Variants in ARHGAP19 observed in about 807,000 individuals in gnomAD.
ARHGAP19 encodes Rho GTPase activating protein 19, also known as rho GTPase-activating protein 19.
In ARHGAP19, 48 loss-of-function variants were observed where a neutral mutation model predicts 60.9. The observed-to-expected ratio is 0.79, with a 90% CI of 0.62 to 1.00. The LOEUF is 1.00. Among genes scored for constraint, ARHGAP19 ranks in the 50% least tolerant of loss-of-function variants. ARHGAP19 has a pLI of 0.00. For missense variants in ARHGAP19, 562 were observed against 597.2 expected, an observed-to-expected ratio of 0.94 and a Z score of 0.61; for synonymous variants, 209 against 215.5, an observed-to-expected ratio of 0.97 and a Z score of 0.27.
chr10:97,243,882 T>C lies in ARHGAP19; in HGVS notation c.1185+86A>G, dbSNP rs751028185. 16 of 1,303,672 alleles carry C rather than the reference T, an allele frequency of 1.2e-5. No homozygotes were observed. The East Asian group carries it at 1.9e-4, about 15-fold the overall frequency. The allele number at this position is 1,303,672 out of a possible 1,614,324, so 80.8% of individuals were successfully genotyped here. A position where few individuals can be genotyped will look rare whatever the true frequency, so the allele number is the denominator to read the frequency against. ...TTTCTCAGCTGAACCAAAAATTAAATGAGATTCTTAACAATATGACCTACT... is the reference window on the plus strand; with the variant it reads ...TTTCTCAGCTGAACCAAAAATTAAACGAGATTCTTAACAATATGACCTACT... On this transcript the variant is annotated intron_variant, in intron 8 of 11. Transcript: ENST00000358531.
At chr10:97,279,476 TTG>T (rs373557280) in intron 1 of ARHGAP19, among the ~76,000 whole-genome samples, 1 of 109,030 alleles carries the variant, frequency 9.2e-6, no homozygotes, top group Non-Finnish European at 1.9e-5. Context: ...TTGCTTGCTT[TTG>T]TGTGTGTGTG....
chr10:97,261,982 C>T (rs1842835253), intron 4 of ARHGAP19, among the ~76,000 whole-genome samples: 1 of 152,066 alleles, frequency 6.6e-6, no homozygotes, highest in Non-Finnish European at 1.5e-5. Context: ...TAACCTATTA[C>T]ATAAAAATCA....
At chr10:97,245,874 G>A (rs1842556275) in intron 7 of ARHGAP19, among the ~76,000 whole-genome samples, 1 of 152,096 alleles carries the variant, frequency 6.6e-6, no homozygotes, top group Admixed American at 6.6e-5. Flanking sequence ...CTCTTACACA[G>A]AGGACACCAT....
At chr10:97,258,927 T>G (rs1842791171) in intron 5 of ARHGAP19, among the ~76,000 whole-genome samples, 1 of 152,160 alleles carries the variant, frequency 6.6e-6, no homozygotes, top group African/African-American at 2.4e-5. Flanking sequence ...AGACTACATA[T>G]CTACAGGAAA....
chr10:97,273,355 GT>G (rs1421906008), intron 1 of ARHGAP19, among the ~76,000 whole-genome samples: 6 of 151,360 alleles, frequency 4.0e-5, no homozygotes, highest in Non-Finnish European at 8.8e-5. Context: ...TAAAGGCAGG[GT>G]TTCATCATGT....
intron 9 of ARHGAP19, among the ~76,000 whole-genome samples, chr10:97,234,990 A>G (rs1851102605): frequency 6.6e-6 from 1 of 152,180 alleles, no homozygotes; most frequent in Admixed American, 6.5e-5. Flanking sequence ...AAGAAAAGGA[A>G]GGACCCTTAC....
intron 6 of ARHGAP19, among the ~76,000 whole-genome samples, chr10:97,250,102 A>G (rs1330353954): frequency 6.6e-6 from 1 of 152,114 alleles, no homozygotes; most frequent in East Asian, 1.9e-4. Flanking sequence ...GATTCTTAAG[A>G]GAATATGTTT....
intron 1 of ARHGAP19, among the ~76,000 whole-genome samples, chr10:97,290,987 A>G (rs912776496): frequency 6.6e-6 from 1 of 152,098 alleles, no homozygotes; most frequent in Non-Finnish European, 1.5e-5. Context: ...AGAATCCCTG[A>G]GCCTAGCTGG....
intron 1 of ARHGAP19, among the ~76,000 whole-genome samples, chr10:97,282,935 C>T (rs1843105326): frequency 6.7e-6 from 1 of 150,020 alleles, no homozygotes; most frequent in Non-Finnish European, 1.5e-5. Context: ...CTCCACCTCC[C>T]AGGTTCAAGC....
At position 97,266,016 on chromosome 10, in the gene ARHGAP19, T is replaced by C. The variant is rs1842894311; in HGVS notation, c.166A>G (p.Ile56Val). Residue 56 changes from isoleucine to valine, a missense_variant, in exon 2 of 12, where the codon ATT becomes GTT. Transcript: ENST00000358531. ...TTGCTGACCACCAACTCAGTGAAAA[T>C]CTCAGGTTTCTCATGTCGGAGTTTC... ...VEKLRHEKPE[I>V]FTELVVSNIT... The C allele has an allele frequency of 6.2e-7, 1 of 1,613,960 alleles. No homozygotes were observed. The highest frequency in any genetic ancestry group is 1.7e-5 in the Admixed American group (1 of 59,982).
chr10:97,238,711 G>A (rs1242765347), intron 8 of ARHGAP19, among the ~76,000 whole-genome samples: 2 of 152,062 alleles, frequency 1.3e-5, no homozygotes, highest in Admixed American at 6.6e-5. Flanking sequence ...AAGTAAAAAA[G>A]TTACAGTAAG....
At chr10:97,237,732 G>A (rs1265199774) in intron 8 of ARHGAP19, among the ~76,000 whole-genome samples, 4 of 151,910 alleles carry the variant, frequency 2.6e-5, no homozygotes, top group South Asian at 4.2e-4. Flanking sequence ...TTAGCTGGGC[G>A]TGGTGGTGGG....
intron 5 of ARHGAP19, among the ~76,000 whole-genome samples, chr10:97,257,102 C>A (rs1232006234): frequency 2.6e-5 from 4 of 152,046 alleles, no homozygotes; most frequent in African/African-American, 9.7e-5. Context: ...GCCTGGGCGA[C>A]AAAGCAAGAC....
intron 1 of ARHGAP19, among the ~76,000 whole-genome samples, chr10:97,271,849 T>A (rs1169721254): frequency 2.6e-5 from 4 of 151,856 alleles, no homozygotes; most frequent in Admixed American, 2.6e-4. Context: ...TATCAAATAC[T>A]TATCAAAAAT....
At chr10:97,233,378 C>T (rs1253094208) in intron 9 of ARHGAP19, among the ~76,000 whole-genome samples, 3 of 133,844 alleles carry the variant, frequency 2.2e-5, no homozygotes, top group Admixed American at 7.6e-5. Context: ...ATAAATATTA[C>T]AAGTTATTTA....
intron 10 of ARHGAP19, 43 bp from the exon 11 acceptor site, chr10:97,229,268 C>T: frequency 6.9e-7 from 1 of 1,457,976 alleles, no homozygotes. Flanking sequence ...GTTCTAATGC[C>T]ATTCCTATAG....
intron 8 of ARHGAP19, among the ~76,000 whole-genome samples, chr10:97,243,381 C>T (rs1301073342): frequency 6.6e-6 from 1 of 152,186 alleles, no homozygotes; most frequent in Non-Finnish European, 1.5e-5. Context: ...CTAACTTAAA[C>T]CACACTTTGA....
intron 6 of ARHGAP19, among the ~76,000 whole-genome samples, chr10:97,248,840 C>T (rs1468561419): frequency 1.3e-5 from 2 of 151,234 alleles, no homozygotes; most frequent in Admixed American, 1.3e-4. Context: ...TTGTTTGTGA[C>T]AGGGTCTCAC....
In ARHGAP19 at chr10:97,288,809, C is replaced by CTTTT. The variant is rs750951743; in HGVS notation, c.56+3759_56+3762dup. ...CTTACAGAAACCCCAAACTTCTCTC[C>CTTTT]TTTTTTTTTTTTTTTTTTTTTTTGA... On this transcript the variant is annotated intron_variant, in intron 1 of 11. Transcript: ENST00000358531. Among the ~76,000 whole-genome samples, 357 of 120,004 alleles carry CTTTT rather than the reference C, an allele frequency of 3.0e-3. 8 individuals are homozygous for CTTTT. The highest frequency in any genetic ancestry group is 7.4e-3 in the African/African-American group (210 of 28,430). The allele number at this position is 120,004 out of a possible 152,430, so 78.7% of individuals were successfully genotyped here. A position where few individuals can be genotyped will look rare whatever the true frequency, so the allele number is the denominator to read the frequency against.
Sources: allele counts gnomAD v4.1 joint callset (sites outside exome capture counted in the v4.1 genomes callset), GRCh38; gene constraint gnomAD v4.1.1; transcripts MANE v1.5; gene names NCBI Gene and HGNC (gene_info 2026-07-23, HGNC 2026-07-21).